Variants in GALNT13 observed in about 807,000 individuals in gnomAD.
GALNT13 encodes UDP-GalNAc:polypeptide N-acetylgalactosaminyltransferase 13.
In GALNT13, 28 loss-of-function variants were observed where a neutral mutation model predicts 64.2. That is an observed-to-expected ratio of 0.44 (90% CI 0.32 to 0.60). The LOEUF (loss-of-function observed/expected upper bound fraction) is 0.60, where lower values mean the gene tolerates loss of function less well. Among genes scored for constraint, GALNT13 ranks in the 20% least tolerant of loss-of-function variants. The pLI is 0.05. For synonymous variants in GALNT13, 214 were observed against 224.6 expected (o/e 0.95, Z 0.42); for missense variants, 577 against 669.8 (o/e 0.86, Z 1.53).
chr2:153,668,187 G>C, the GALNT13 span, among the ~76,000 whole-genome samples: 2 of 152,048 alleles, frequency 1.3e-5, no homozygotes, highest in Non-Finnish European at 2.9e-5. Flanking sequence ...CCCACTGACA[G>C]TATTAGACCA....
At chr2:153,542,089 G>A in the GALNT13 span, among the ~76,000 whole-genome samples, 3 of 151,910 alleles carry the variant, frequency 2.0e-5, no homozygotes, top group African/African-American at 4.8e-5. Flanking sequence ...AGGCTGAGGC[G>A]GGTGGAACAC....
chr2:153,521,622 T>C, the GALNT13 span, among the ~76,000 whole-genome samples: 1 of 152,220 alleles, frequency 6.6e-6, no homozygotes, highest in Admixed American at 6.5e-5. Context: ...AAAGGCATAA[T>C]GACATGTACC....
chr2:153,637,202 A>G, the GALNT13 span, among the ~76,000 whole-genome samples: 1 of 152,114 alleles, frequency 6.6e-6, no homozygotes, highest in Admixed American at 6.6e-5. Flanking sequence ...AAAATGATCG[A>G]ATCTTATGAA....
the GALNT13 span, among the ~76,000 whole-genome samples, chr2:153,150,059 G>C: frequency 6.6e-6 from 1 of 151,650 alleles, no homozygotes; most frequent in Non-Finnish European, 1.5e-5. Context: ...ATGATCTCTT[G>C]TCGGCTTCAC....
chr2:153,533,997 C>T, the GALNT13 span, among the ~76,000 whole-genome samples: 1 of 151,968 alleles, frequency 6.6e-6, no homozygotes, highest in East Asian at 2.0e-4. Context: ...CTCTTGCCTC[C>T]CTGAGAGCTG....
chr2:153,633,506 G>A, the GALNT13 span, among the ~76,000 whole-genome samples: 2 of 152,064 alleles, frequency 1.3e-5, no homozygotes, highest in African/African-American at 4.8e-5. Context: ...CTAGATATAT[G>A]TTATTTACAG....
At chr2:154,172,201 A>C (rs757889411) in intron 4 of GALNT13, among the ~76,000 whole-genome samples, 1 of 152,190 alleles carries the variant, frequency 6.6e-6, no homozygotes, top group East Asian at 1.9e-4. Context: ...ATAGATGTAC[A>C]TAGTTTGAGG....
At chr2:154,402,611 G>A (rs960214958) in intron 10 of GALNT13, among the ~76,000 whole-genome samples, 6 of 152,148 alleles carry the variant, frequency 3.9e-5, no homozygotes, top group Non-Finnish European at 7.4e-5. Flanking sequence ...CCAGATCTTA[G>A]AGCTACCAGT....
At chr2:153,561,849 A>C in the GALNT13 span, among the ~76,000 whole-genome samples, 1 of 152,128 alleles carries the variant, frequency 6.6e-6, no homozygotes, top group African/African-American at 2.4e-5. Context: ...AAAAATTTCT[A>C]TTTGTAAATG....
At chr2:153,177,705 C>G in the GALNT13 span, among the ~76,000 whole-genome samples, 23 of 152,124 alleles carry the variant, frequency 1.5e-4, no homozygotes, top group Non-Finnish European at 3.2e-4. Flanking sequence ...ACTTCAAATA[C>G]TTATCTTTTT....
the GALNT13 span, among the ~76,000 whole-genome samples, chr2:153,261,255 A>C: frequency 1.8e-4 from 27 of 152,144 alleles, no homozygotes; most frequent in East Asian, 3.7e-3. Flanking sequence ...TATTGTCTTG[A>C]TGCTTATGGA....
At chr2:153,774,245 A>T in the GALNT13 span, among the ~76,000 whole-genome samples, 1 of 151,674 alleles carries the variant, frequency 6.6e-6, no homozygotes, top group Non-Finnish European at 1.5e-5. Context: ...ATCTTGAAAA[A>T]CTCAAGAGTA....
intron 12 of GALNT13, among the ~76,000 whole-genome samples, chr2:154,442,265 A>G (rs1224820353): frequency 3.3e-5 from 5 of 152,162 alleles, no homozygotes; most frequent in Non-Finnish European, 5.9e-5. Context: ...AACTTCAGCT[A>G]TACATATTCA....
chr2:153,436,270 G>T, the GALNT13 span, among the ~76,000 whole-genome samples: 66 of 152,168 alleles, frequency 4.3e-4, no homozygotes, highest in Non-Finnish European at 7.1e-4. Flanking sequence ...GTTCATCAAG[G>T]ATATTGGTCT....
At chr2:153,681,548 G>C in the GALNT13 span, among the ~76,000 whole-genome samples, 1 of 151,592 alleles carries the variant, frequency 6.6e-6, no homozygotes, top group East Asian at 1.9e-4. Flanking sequence ...ATTTTAAAAA[G>C]CAACAGAAAG....
At chr2:153,327,823 G>T in the GALNT13 span, among the ~76,000 whole-genome samples, 1 of 151,884 alleles carries the variant, frequency 6.6e-6, no homozygotes, top group Non-Finnish European at 1.5e-5. Flanking sequence ...TCTCTGTCCA[G>T]TTTTCTTCCC....
At chr2:154,338,624 G>T (rs562024358) in intron 9 of GALNT13, among the ~76,000 whole-genome samples, 1 of 152,114 alleles carries the variant, frequency 6.6e-6, no homozygotes, top group African/African-American at 2.4e-5. Context: ...GTGGGCAAGA[G>T]CCCCTATTGT....
At chr2:153,832,411 T>C in the GALNT13 span, among the ~76,000 whole-genome samples, 13,863 of 152,148 alleles carry the variant, frequency 0.091, 753 homozygotes, top group African/African-American at 0.13. Flanking sequence ...AGTTCAAAAA[T>C]AAGTGGAGTT....
chr2:153,909,966 C>T (rs1286241364), intron 2 of GALNT13, among the ~76,000 whole-genome samples: 1 of 152,022 alleles, frequency 6.6e-6, no homozygotes, highest in African/African-American at 2.4e-5. Flanking sequence ...GGAGGAGTCC[C>T]TCTTCCTCAT....
Sources: allele counts gnomAD v4.1 joint callset (sites outside exome capture counted in the v4.1 genomes callset), GRCh38; gene constraint gnomAD v4.1.1; transcripts MANE v1.5; gene names NCBI Gene and HGNC (gene_info 2026-07-23, HGNC 2026-07-21).